NUDT9: variants seen among roughly 807,000 people sequenced by gnomAD.
NUDT9 encodes the protein nudix hydrolase 9.
In NUDT9, 31 loss-of-function variants were observed where a neutral mutation model predicts 41.0. That is an observed-to-expected ratio of 0.76 (90% CI 0.57 to 1.02). NUDT9 has a LOEUF of 1.02. NUDT9 is among the 50% of genes least tolerant of loss of function. NUDT9 has a pLI of 0.00. For missense variants in NUDT9, 380 were observed against 431.4 expected, an observed-to-expected ratio of 0.88 and a Z score of 1.06; for synonymous variants, 146 against 147.6, an observed-to-expected ratio of 0.99 and a Z score of 0.08.
At chr4:87,441,798 A>C (rs781664110) in intron 3 of NUDT9, 31 bp from the exon 4 acceptor site, 2 of 1,555,710 alleles carry the variant, frequency 1.3e-6, no homozygotes, top group Non-Finnish European at 1.8e-6. Flanking sequence ...GAACACATTC[A>C]ATTGATTTTA....
intron 4 of NUDT9, among the ~76,000 whole-genome samples, chr4:87,443,652 A>T (rs1456644643): frequency 1.3e-5 from 2 of 152,170 alleles, no homozygotes; most frequent in Non-Finnish European, 2.9e-5. Context: ...GTGGTAAACT[A>T]GTGCACCCAA....
chr4:87,423,033 C>T (rs1226686340), intron 1 of NUDT9, 21 bp downstream of exon 1: 3 of 1,590,806 alleles, frequency 1.9e-6, no homozygotes, highest in Middle Eastern at 3.3e-4. Flanking sequence ...CTCCTACTAC[C>T]GGCTCCTTTG....
At chr4:87,441,771 A>G in intron 3 of NUDT9, 58 bp from the exon 4 acceptor site, 1 of 1,363,182 alleles carries the variant, frequency 7.3e-7, no homozygotes, top group Non-Finnish European at 1.0e-6. Context: ...GGTTATATCA[A>G]ATCAGGTTAA....
intron 4 of NUDT9, among the ~76,000 whole-genome samples, chr4:87,447,051 C>T (rs187313612): frequency 1.3e-5 from 2 of 152,246 alleles, no homozygotes; most frequent in Admixed American, 6.5e-5. Context: ...TCTAAGTAAA[C>T]GAATTAGATG....
At chr4:87,453,833 ATTTCTTTCTTTT>A (rs1722864331) in intron 6 of NUDT9, among the ~76,000 whole-genome samples, 1 of 146,892 alleles carries the variant, frequency 6.8e-6, no homozygotes, top group Admixed American at 6.8e-5. Context: ...TGATATTTAC[ATTTCTTTCTTTT>A]TTTCTTTCTT....
intron 1 of NUDT9, among the ~76,000 whole-genome samples, chr4:87,430,929 A>T (rs936060504): frequency 3.9e-5 from 6 of 151,982 alleles, no homozygotes; most frequent in Non-Finnish European, 8.8e-5. Flanking sequence ...GAAGTTTTTC[A>T]TCTTGATGTA....
In NUDT9 at chr4:87,444,987, C is replaced by T. The variant is rs116018574; in HGVS notation, c.530+3072C>T. On this transcript the variant is annotated intron_variant, in intron 4 of 7. Transcript: ENST00000302174. ...GTTCCTCTAAATAGATGAGAGGCAG[C>T]AGAAATGGAACAGAGAAGAATGAAA... Among the ~76,000 whole-genome samples the T allele has an allele frequency of 9.6e-3, 1,458 of 152,156 alleles. 18 individuals carry two copies. Among genetic ancestry groups the T allele is most frequent in the African/African-American group, 0.029 (1,221 of 41,516 alleles).
Position 87,459,094 on chromosome 4 carries a change from T to C in NUDT9, c.*1073T>C, listed in dbSNP as rs1371200770. 6.6e-6 allele frequency: 1 copy of C among 152,200 alleles called. No individual in the cohort carries two copies. The highest frequency in any genetic ancestry group is 2.4e-5 in the African/African-American group (1 of 41,454). 9.4% of individuals were successfully genotyped at this position (152,200 alleles called of 1,614,324 possible). A position where few individuals can be genotyped will look rare whatever the true frequency, so the allele number is the denominator to read the frequency against. ...AAGACAATGTGGTATATGTACACCA[T>C]GGAATACTATGCAGCCGTAAAAAAG... On this transcript the variant is annotated 3_prime_UTR_variant, in exon 8 of 8. Coordinates refer to ENST00000302174, the MANE Select transcript of NUDT9 (RefSeq NM_024047.5).
intron 1 of NUDT9, 26 bp from the exon 2 acceptor site, chr4:87,434,955 A>G (rs759166827): frequency 6.9e-6 from 11 of 1,585,882 alleles, no homozygotes; most frequent in Non-Finnish European, 8.6e-6. Flanking sequence ...GTATTTATGT[A>G]AAATGTTTTT....
chr4:87,432,862 C>T (rs1194653945), intron 1 of NUDT9, among the ~76,000 whole-genome samples: 1 of 151,808 alleles, frequency 6.6e-6, no homozygotes, highest in Non-Finnish European at 1.5e-5. Flanking sequence ...CTCCCTTGGT[C>T]ATGGCATATA....
At chr4:87,436,602 C>T (rs182155720) in intron 2 of NUDT9, among the ~76,000 whole-genome samples, 187 of 152,228 alleles carry the variant, frequency 1.2e-3, no homozygotes, top group African/African-American at 4.3e-3. Flanking sequence ...TGAGCCGGCA[C>T]GCCTGGTGAT....
chr4:87,424,845 T>C (rs1441491091), intron 1 of NUDT9, among the ~76,000 whole-genome samples: 1 of 152,180 alleles, frequency 6.6e-6, no homozygotes, highest in African/African-American at 2.4e-5. Context: ...TTCGTTTTTG[T>C]AACTCTGGGA....
At chr4:87,432,903 G>A (rs1279861184) in intron 1 of NUDT9, among the ~76,000 whole-genome samples, 1 of 151,836 alleles carries the variant, frequency 6.6e-6, no homozygotes. Flanking sequence ...AATTCTGTTT[G>A]TTATTATTTT....
chr4:87,432,436 A>G (rs558310081), intron 1 of NUDT9, among the ~76,000 whole-genome samples: 1 of 151,640 alleles, frequency 6.6e-6, no homozygotes, highest in East Asian at 1.9e-4. Context: ...GGGATGCTCA[A>G]CCAGTTTTAC....
At chr4:87,442,764 A>T (rs1322136843) in intron 4 of NUDT9, among the ~76,000 whole-genome samples, 6 of 152,192 alleles carry the variant, frequency 3.9e-5, no homozygotes, top group Admixed American at 3.9e-4. Context: ...CTATGGCTAT[A>T]CAAGGTCAGG....
rs531621467 is a variant in NUDT9, at chr4:87,435,302, C to T, written c.347+82C>T. 11 of 1,433,864 alleles carry T rather than the reference C, an allele frequency of 7.7e-6. No homozygotes were observed. The South Asian group carries it at 1.6e-4, about 21-fold the overall frequency. 88.8% of individuals were successfully genotyped at this position (1,433,864 alleles called of 1,614,324 possible). Reference sequence around the variant, plus strand: ...TTATTTGTAAAGTATCTTTTTGACACCTGAAAATAATTTCAATCTATGCTT... The same window carrying T: ...TTATTTGTAAAGTATCTTTTTGACATCTGAAAATAATTTCAATCTATGCTT... On this transcript the variant is annotated intron_variant, in intron 2 of 7. Coordinates refer to ENST00000302174, the MANE Select transcript of NUDT9 (RefSeq NM_024047.5).
At chr4:87,424,607 T>G (rs74750711) in intron 1 of NUDT9, among the ~76,000 whole-genome samples, 4,886 of 152,282 alleles carry the variant, frequency 0.032, 99 homozygotes, top group African/African-American at 0.067. Context: ...GGTTTGTAGG[T>G]CAATATTCCA....
At chr4:87,436,019 T>C (rs900645415) in intron 2 of NUDT9, among the ~76,000 whole-genome samples, 4 of 151,710 alleles carry the variant, frequency 2.6e-5, no homozygotes, top group Non-Finnish European at 4.4e-5. Context: ...AGACTGGTGC[T>C]CTCTCTCTCT....
At chr4:87,433,434 T>C (rs1167848079) in intron 1 of NUDT9, among the ~76,000 whole-genome samples, 1 of 152,226 alleles carries the variant, frequency 6.6e-6, no homozygotes. Flanking sequence ...TTCAGATTCA[T>C]GTCATATATT....
Sources: gnomAD v4.1 joint callset for allele counts (sites outside exome capture counted in the v4.1 genomes callset) on GRCh38, gnomAD v4.1.1 for gene constraint, MANE v1.5 for transcripts, NCBI Gene and HGNC (gene_info 2026-07-23, HGNC 2026-07-21) for gene names.